Variants in PREX1 observed in about 807,000 individuals in gnomAD.
PREX1 encodes phosphatidylinositol 3,4,5-trisphosphate-dependent Rac exchanger 1 protein.
In PREX1, 41 loss-of-function variants were observed where a neutral mutation model predicts 198.3. The observed-to-expected ratio is 0.21, with a 90% CI of 0.16 to 0.27. PREX1 has a LOEUF of 0.27. Ranked by LOEUF, PREX1 falls within the 10% of genes least tolerant of loss-of-function variation. PREX1 has a pLI of 1.00. For missense variants in PREX1, 1,620 were observed against 2,200.7 expected, an observed-to-expected ratio of 0.74 and a Z score of 5.28; for synonymous variants, 843 against 887.2, an observed-to-expected ratio of 0.95 and a Z score of 0.89.
At chr20:48,634,918 T>C (rs1395039544) in intron 32 of PREX1, 143 bp from the exon 33 acceptor site, 1 of 662,854 alleles carries the variant, frequency 1.5e-6, no homozygotes, top group Admixed American at 2.2e-5. Context: ...CTCTCCAGAG[T>C]GGATGTGAAA....
chr20:48,747,714 C>T, intron 2 of PREX1, 95 bp downstream of exon 2: 1 of 1,359,878 alleles, frequency 7.4e-7, no homozygotes, highest in Non-Finnish European at 1.0e-6. Flanking sequence ...GATGCGCCTC[C>T]CCCTGCATGC....
intron 14 of PREX1, among the ~76,000 whole-genome samples, chr20:48,669,105 G>A (rs1197507900): frequency 3.3e-5 from 5 of 151,898 alleles, no homozygotes; most frequent in East Asian, 3.9e-4. Context: ...CGCCACACAC[G>A]AGACCCCTGC....
At position 48,650,762 on chromosome 20, in the gene PREX1, T is replaced by C. The variant is rs1601044626; in HGVS notation, c.2817+132A>G. ...AGTTCACCTCCGTCCTTTTCAGTAATACACACCATACATTCTCCTGTTTGT... is the reference window on the plus strand; with the variant it reads ...AGTTCACCTCCGTCCTTTTCAGTAACACACACCATACATTCTCCTGTTTGT... On this transcript the variant is annotated intron_variant, in intron 23 of 39. Transcript: ENST00000371941. 9.2e-6 allele frequency: 11 copies of C among 1,189,522 alleles called. No individual in the cohort carries two copies. In the East Asian group the frequency reaches 2.7e-4, roughly 30 times the overall value. 73.7% of individuals were successfully genotyped at this position (1,189,522 alleles called of 1,614,324 possible).
intron 15 of PREX1, among the ~76,000 whole-genome samples, chr20:48,663,551 C>A (rs1438186672): frequency 6.6e-6 from 1 of 152,258 alleles, no homozygotes; most frequent in Admixed American, 6.5e-5. Flanking sequence ...TGGCTCACCA[C>A]CTGCTTTTCT....
chr20:48,678,839 CTT>C (rs2089727466), intron 13 of PREX1, among the ~76,000 whole-genome samples: 1 of 152,158 alleles, frequency 6.6e-6, no homozygotes, highest in Non-Finnish European at 1.5e-5. Context: ...TTGGCTATGT[CTT>C]TATCAGGAGC....
intron 4 of PREX1, among the ~76,000 whole-genome samples, chr20:48,729,972 G>A (rs2037165289): frequency 6.6e-6 from 1 of 152,280 alleles, no homozygotes; most frequent in Admixed American, 6.5e-5. Context: ...AAGGCCATGT[G>A]AAGACAGAGG....
intron 1 of PREX1, among the ~76,000 whole-genome samples, chr20:48,798,034 G>A (rs1045592368): frequency 6.6e-6 from 1 of 152,176 alleles, no homozygotes; most frequent in African/African-American, 2.4e-5. Context: ...TAACCTTTAA[G>A]GGTTGGGAAG....
At chr20:48,795,561 C>T (rs1216082860) in intron 1 of PREX1, among the ~76,000 whole-genome samples, 1 of 151,974 alleles carries the variant, frequency 6.6e-6, no homozygotes, top group Admixed American at 6.6e-5. Flanking sequence ...TCCCCCACAA[C>T]AAAGCCCCAA....
intron 1 of PREX1, among the ~76,000 whole-genome samples, chr20:48,801,634 C>T (rs2090387203): frequency 1.3e-5 from 2 of 152,236 alleles, no homozygotes; most frequent in South Asian, 4.1e-4. Context: ...ACACCCACGT[C>T]TCTCCCCGGG....
At chr20:48,677,339 T>G (rs1039906341) in intron 13 of PREX1, among the ~76,000 whole-genome samples, 3 of 152,000 alleles carry the variant, frequency 2.0e-5, no homozygotes, top group African/African-American at 7.3e-5. Flanking sequence ...AAATGGTCCT[T>G]CCTCTCCACT....
chr20:48,789,679 A>G (rs938964761), intron 1 of PREX1, among the ~76,000 whole-genome samples: 2 of 152,254 alleles, frequency 1.3e-5, no homozygotes, highest in African/African-American at 2.4e-5. Flanking sequence ...AGCTGAGACT[A>G]TAAAGTTTTT....
chr20:48,664,415 G>A (rs1406328842), intron 15 of PREX1, among the ~76,000 whole-genome samples: 2 of 151,844 alleles, frequency 1.3e-5, no homozygotes, highest in Non-Finnish European at 2.9e-5. Context: ...TAGGAGCAGA[G>A]TGATGACGGG....
intron 3 of PREX1, among the ~76,000 whole-genome samples, chr20:48,736,281 G>C (rs544135038): frequency 4.3e-4 from 65 of 152,176 alleles, no homozygotes; most frequent in African/African-American, 1.1e-3. Context: ...ATTACCCACA[G>C]TGCACCCCCA....
intron 11 of PREX1, 49 bp from the exon 12 acceptor site, chr20:48,679,803 TC>T: frequency 7.0e-7 from 1 of 1,437,106 alleles, no homozygotes; most frequent in Non-Finnish European, 9.7e-7. Context: ...CCTCAGCCCC[TC>T]CCAGCCACGC....
intron 1 of PREX1, among the ~76,000 whole-genome samples, chr20:48,805,790 G>A (rs113591319): frequency 9.0e-4 from 137 of 152,276 alleles, no homozygotes; most frequent in Non-Finnish European, 1.5e-3. Flanking sequence ...CTCAGGGATC[G>A]AGACCCAGGT....
At chr20:48,665,345 A>G (rs1007137734) in intron 15 of PREX1, among the ~76,000 whole-genome samples, 18 of 136,804 alleles carry the variant, frequency 1.3e-4, no homozygotes, top group East Asian at 4.5e-4. Context: ...TCTAATCCCG[A>G]CTCCAGACGG....
chr20:48,864,019 T>C, the PREX1 span, among the ~76,000 whole-genome samples: 1 of 152,242 alleles, frequency 6.6e-6, no homozygotes, highest in African/African-American at 2.4e-5. Flanking sequence ...TTCATTCAAC[T>C]ATTGAAGGAT....
chr20:48,732,370 G>A (rs1358715764), intron 4 of PREX1, among the ~76,000 whole-genome samples: 1 of 150,338 alleles, frequency 6.7e-6, no homozygotes, highest in African/African-American at 2.4e-5. Context: ...AAGGAGAAGT[G>A]CAATTAGGAA....
chr20:48,772,701 A>G (rs1169979888), intron 1 of PREX1, among the ~76,000 whole-genome samples: 1 of 152,220 alleles, frequency 6.6e-6, no homozygotes, highest in Non-Finnish European at 1.5e-5. Flanking sequence ...GAAGGGGCAG[A>G]GCAGGCTGGG....
Sources: gnomAD v4.1 joint callset for allele counts (sites outside exome capture counted in the v4.1 genomes callset) on GRCh38, gnomAD v4.1.1 for gene constraint, MANE v1.5 for transcripts, NCBI Gene and HGNC (gene_info 2026-07-23, HGNC 2026-07-21) for gene names.